PCDHA1: variants seen among roughly 807,000 people sequenced by gnomAD.
PCDHA1 encodes the protein protocadherin alpha-1.
A neutral mutation model predicts 61.3 loss-of-function variants in PCDHA1; 42 were observed. The ratio of observed to expected loss-of-function variants is 0.69; its 90% CI spans 0.54 to 0.89. The LOEUF (loss-of-function observed/expected upper bound fraction) is 0.89, where lower values mean the gene tolerates loss of function less well. PCDHA1 is among the 40% of genes least tolerant of loss of function. The probability of loss-of-function intolerance (pLI) is 0.00; values close to 1 mark genes in which losing one functional copy is unlikely to be tolerated. For missense variants in PCDHA1, 1,256 were observed against 1,235.3 expected, an observed-to-expected ratio of 1.02 and a Z score of -0.25; for synonymous variants, 610 against 553.8, an observed-to-expected ratio of 1.10 and a Z score of -1.43.
At chr5:140,978,818 C>T in intron 1 of PCDHA1, 131 bp from the exon 2 acceptor site, 4 of 1,512,636 alleles carry the variant, frequency 2.6e-6, no homozygotes, top group Non-Finnish European at 3.5e-6. Flanking sequence ...TAGAGTTACA[C>T]ATGAAATGGC....
chr5:140,939,195 C>T (rs1554212604), intron 1 of PCDHA1, among the ~76,000 whole-genome samples: 1 of 152,122 alleles, frequency 6.6e-6, no homozygotes, highest in East Asian at 1.9e-4. Flanking sequence ...GTTCATAAAA[C>T]AGAATGTCAC....
chr5:140,796,737 G>A, intron 1 of PCDHA1: 15 of 1,614,094 alleles, frequency 9.3e-6, no homozygotes, highest in Non-Finnish European at 1.3e-5. Context: ...GGCACGTGGT[G>A]GCGAAGGTGC....
chr5:140,929,164 GC>G (rs781931769), intron 1 of PCDHA1: 2 of 1,614,150 alleles, frequency 1.2e-6, no homozygotes, highest in Non-Finnish European at 1.7e-6. Context: ...TCTCTATCGG[GC>G]CTCTCTGGGA....
At chr5:140,875,772 G>A (rs781933974) in intron 1 of PCDHA1, 37 of 1,614,136 alleles carry the variant, frequency 2.3e-5, no homozygotes, top group South Asian at 3.3e-5. Flanking sequence ...GGCGGAGCGC[G>A]GAGTGCAGTA....
intron 1 of PCDHA1, chr5:140,869,637 T>A: frequency 6.2e-7 from 1 of 1,613,610 alleles, no homozygotes; most frequent in Non-Finnish European, 8.5e-7. Flanking sequence ...ATGAGTATTT[T>A]TCTTTAGATT....
intron 1 of PCDHA1, chr5:140,841,774 GTT>G (rs2150322506): frequency 6.2e-7 from 1 of 1,613,914 alleles, no homozygotes; most frequent in South Asian, 1.1e-5. Flanking sequence ...CAGACTCTCG[GTT>G]TCCGCTAGAG....
intron 1 of PCDHA1, among the ~76,000 whole-genome samples, chr5:140,935,834 C>G (rs1037488504): frequency 1.3e-5 from 2 of 151,624 alleles, no homozygotes; most frequent in African/African-American, 2.4e-5. Flanking sequence ...ACACATATTC[C>G]ATACTGCTTA....
chr5:140,790,278 T>C (rs1272728062), intron 1 of PCDHA1, among the ~76,000 whole-genome samples: 4 of 152,328 alleles, frequency 2.6e-5, no homozygotes, highest in African/African-American at 9.6e-5. Flanking sequence ...TTGGTAGTCA[T>C]TCAGTCAAGG....
chr5:140,808,741 C>T (rs374265125), intron 1 of PCDHA1: 110 of 1,611,992 alleles, frequency 6.8e-5, no homozygotes, highest in Non-Finnish European at 8.5e-5. Flanking sequence ...GCAAGGTGTA[C>T]GCGCTGCAGC....
intron 1 of PCDHA1, among the ~76,000 whole-genome samples, chr5:140,949,692 T>A (rs1563239592): frequency 6.6e-6 from 1 of 151,854 alleles, no homozygotes; most frequent in Non-Finnish European, 1.5e-5. Flanking sequence ...AGCGTATTGT[T>A]GGATCTTGCT....
intron 1 of PCDHA1, chr5:140,797,396 T>A (rs914596137): frequency 9.5e-6 from 15 of 1,572,874 alleles, no homozygotes; most frequent in Middle Eastern, 1.7e-4. Context: ...ATTGTTCTTT[T>A]TAAAAAATTC....
chr5:140,955,001 A>G (rs551398126), intron 1 of PCDHA1, among the ~76,000 whole-genome samples: 101 of 152,200 alleles, frequency 6.6e-4, no homozygotes, highest in Middle Eastern at 6.8e-3. Flanking sequence ...TGGCTAGCCA[A>G]TTCTCCCAGC....
At chr5:140,813,599 A>ATGAGTGAATGG (rs1381585879) in intron 1 of PCDHA1, 1 of 152,234 alleles carries the variant, frequency 6.6e-6, no homozygotes, top group Non-Finnish European at 1.5e-5. Context: ...GCATGAGTCA[A>ATGAGTGAATGG]TGAGTGAATG....
chr5:140,808,348 C>A, intron 1 of PCDHA1: 3 of 1,614,258 alleles, frequency 1.9e-6, no homozygotes. Flanking sequence ...TGGTCACCTG[C>A]TCCTTGACGT....
In PCDHA1 at chr5:140,851,928, G is replaced by A. The variant is rs1294571099; in HGVS notation, c.2394+63244G>A. 4.1e-6 allele frequency: 4 copies of A among 965,790 alleles called. 1 individual carries two copies. In the African/African-American group the frequency reaches 7.1e-5, roughly 17 times the overall value. 59.8% of individuals were successfully genotyped at this position (965,790 alleles called of 1,614,324 possible). On this transcript the variant is annotated intron_variant, in intron 1 of 3. Coordinates refer to ENST00000504120, the MANE Select transcript of PCDHA1 (RefSeq NM_018900.4). Reference sequence around the variant, plus strand: ...AATGTCACTACATGTTATGTTTCCTGAATTGTAGTATGTGACTTTCAAAAT... The same window carrying A: ...AATGTCACTACATGTTATGTTTCCTAAATTGTAGTATGTGACTTTCAAAAT...
chr5:140,884,312 G>T, intron 1 of PCDHA1: 1 of 1,613,768 alleles, frequency 6.2e-7, no homozygotes, highest in Non-Finnish European at 8.5e-7. Flanking sequence ...TTCGTCGAGG[G>T]CGTCGGCAGG....
In PCDHA1 at chr5:140,857,592, A is replaced by G. The variant is rs782473553; in HGVS notation, c.2394+68908A>G. On this transcript the variant is annotated intron_variant, in intron 1 of 3. Coordinates refer to ENST00000504120, the MANE Select transcript of PCDHA1 (RefSeq NM_018900.4). ...GTGTCGGTGCACGCGGAGAGCGGCA[A>G]GGTGTACGCGCTGCAGCCGCTGGAC... 5 of 1,596,098 alleles carry G rather than the reference A, an allele frequency of 3.1e-6. No individual in the cohort carries two copies. In the African/African-American group the frequency reaches 6.7e-5, roughly 21 times the overall value.
chr5:140,904,486 C>G (rs1396927518), intron 1 of PCDHA1, among the ~76,000 whole-genome samples: 2 of 151,508 alleles, frequency 1.3e-5, no homozygotes, highest in African/African-American at 2.4e-5. Context: ...TGGTCTGATT[C>G]CAAATTTTTA....
intron 1 of PCDHA1, chr5:140,829,599 C>T: frequency 1.9e-6 from 3 of 1,612,030 alleles, no homozygotes; most frequent in Non-Finnish European, 2.5e-6. Context: ...GGCGAGCGCG[C>T]GTTGTCGAGC....
Sources: gnomAD v4.1 joint callset for allele counts (sites outside exome capture counted in the v4.1 genomes callset) on GRCh38, gnomAD v4.1.1 for gene constraint, MANE v1.5 for transcripts, NCBI Gene and HGNC (gene_info 2026-07-23, HGNC 2026-07-21) for gene names.